FRAS1: variants seen among roughly 807,000 people sequenced by gnomAD.
FRAS1 encodes the protein extracellular matrix organizing protein FRAS1.
FRAS1 carries 290 observed loss-of-function variants against 435.2 expected under a neutral mutation model. The observed-to-expected ratio is 0.67, with a 90% CI of 0.61 to 0.73. The LOEUF (loss-of-function observed/expected upper bound fraction) is 0.73. FRAS1 is among the 30% of genes least tolerant of loss of function. The pLI is 0.00. For synonymous variants in FRAS1, 1,800 were observed against 1,851.0 expected (o/e 0.97, Z 0.71); for missense variants, 4,860 against 5,001.5 (o/e 0.97, Z 0.85).
chr4:78,421,120 T>C (rs1487103792), intron 33 of FRAS1, among the ~76,000 whole-genome samples: 2 of 151,668 alleles, frequency 1.3e-5, no homozygotes, highest in Non-Finnish European at 2.9e-5. Context: ...AGTCTTTTCA[T>C]GTTTTTACAC....
intron 5 of FRAS1, among the ~76,000 whole-genome samples, chr4:78,253,257 C>T (rs748825896): frequency 1.3e-5 from 2 of 152,148 alleles, no homozygotes; most frequent in South Asian, 4.1e-4. Flanking sequence ...GCAGTCAGAC[C>T]TTATGGTTAC....
chr4:78,496,331 C>T (rs1347617710), intron 59 of FRAS1, among the ~76,000 whole-genome samples: 4 of 152,132 alleles, frequency 2.6e-5, no homozygotes, highest in Non-Finnish European at 4.4e-5. Context: ...TTTAGCCTAA[C>T]GCAAAGCCTT....
chr4:78,432,741 A>G, intron 38 of FRAS1, 137 bp downstream of exon 38: 1 of 956,692 alleles, frequency 1.0e-6, no homozygotes, highest in African/African-American at 1.7e-5. Flanking sequence ...CAGCTTCCCT[A>G]CCTTCTACTG....
At chr4:78,249,323 C>CT (rs11308579) in intron 4 of FRAS1, among the ~76,000 whole-genome samples, 14,565 of 47,440 alleles carry the variant, frequency 0.31, 3,259 homozygotes, top group South Asian at 0.57. Flanking sequence ...GCAGTGGAGC[C>CT]TTTTTTTTTT....
intron 58 of FRAS1, among the ~76,000 whole-genome samples, chr4:78,487,772 A>G (rs530201935): frequency 1.4e-4 from 21 of 152,294 alleles, no homozygotes; most frequent in African/African-American, 4.3e-4. Context: ...ATTCAATTAT[A>G]CCAACAATTC....
At chr4:78,145,591 C>CTACA (rs1446432794) in intron 2 of FRAS1, among the ~76,000 whole-genome samples, 1 of 152,112 alleles carries the variant, frequency 6.6e-6, no homozygotes, top group African/African-American at 2.4e-5. Flanking sequence ...CACACTGTGG[C>CTACA]TACATACACA....
At chr4:78,143,744 A>T (rs566450086) in intron 2 of FRAS1, among the ~76,000 whole-genome samples, 54 of 151,608 alleles carry the variant, frequency 3.6e-4, no homozygotes, top group Admixed American at 1.1e-3. Flanking sequence ...AAAAATAATA[A>T]AAAAAAAAAA....
chr4:78,140,290 A>G (rs1284700840), intron 2 of FRAS1, among the ~76,000 whole-genome samples: 1 of 152,122 alleles, frequency 6.6e-6, no homozygotes, highest in African/African-American at 2.4e-5. Context: ...TCACATTCAA[A>G]TTTCTAACTG....
At chr4:78,274,474 A>G (rs1378948380) in intron 9 of FRAS1, among the ~76,000 whole-genome samples, 1 of 151,942 alleles carries the variant, frequency 6.6e-6, no homozygotes. Context: ...TTCCCTCTAC[A>G]CACTGCTTTA....
At chr4:78,512,026 T>G (rs550075488) in intron 64 of FRAS1, among the ~76,000 whole-genome samples, 15 of 152,212 alleles carry the variant, frequency 9.9e-5, no homozygotes, top group Non-Finnish European at 2.2e-4. Flanking sequence ...TGAGTATGTA[T>G]TTTGAGTATC....
chr4:78,265,084 C>T lies in FRAS1; in HGVS notation c.663C>T (p.Cys221=). ...GCCCGCAGTGCTCTGCAAGATCCTG[C>T]TCTGCAGCTGGCCAAGTATACGAGG... is the stretch of plus-strand genomic sequence containing the variant. ...KCCPQCSARS[C]SAAGQVYEHG... The change falls in exon 7 of 74, where the codon TGC becomes TGT. Residue 221 remains cysteine (C), a synonymous_variant. Coordinates refer to ENST00000512123, the MANE Select transcript of FRAS1 (RefSeq NM_025074.7). 1 of 1,613,100 alleles carries T rather than the reference C, an allele frequency of 6.2e-7. No individual in the cohort carries two copies. The highest frequency in any genetic ancestry group is 1.1e-5 in the South Asian group (1 of 90,868).
chr4:78,432,390 A>G lies in FRAS1; in HGVS notation c.5003A>G (p.Asn1668Ser), dbSNP rs1441557039. Residue 1668 changes from asparagine to serine, a missense_variant, in exon 38 of 74, where the codon AAT becomes AGT. Coordinates refer to ENST00000512123, the MANE Select transcript of FRAS1 (RefSeq NM_025074.7). ...TTCACCTATGAGGATGTTGAGAAAA[A>G]TGCTCTACAGTATATACATGATGGT... ...DTFTYEDVEK[N>S]ALQYIHDGSS... 6.2e-6 allele frequency: 10 copies of G among 1,605,578 alleles called. No homozygotes were observed. Among genetic ancestry groups the G allele is most frequent in the Admixed American group, 3.4e-5 (2 of 58,790 alleles).
At chr4:78,241,979 A>G (rs984619082) in intron 3 of FRAS1, among the ~76,000 whole-genome samples, 1 of 152,194 alleles carries the variant, frequency 6.6e-6, no homozygotes, top group Non-Finnish European at 1.5e-5. Context: ...AAGGCAACAT[A>G]GGAATCAGAG....
intron 49 of FRAS1, among the ~76,000 whole-genome samples, chr4:78,465,192 T>C (rs1474170697): frequency 6.6e-6 from 1 of 152,238 alleles, no homozygotes; most frequent in Non-Finnish European, 1.5e-5. Flanking sequence ...CACTCATTGA[T>C]TGATTGATTC....
At chr4:78,320,620 TAGAA>T (rs1394746788) in intron 18 of FRAS1, among the ~76,000 whole-genome samples, 4 of 151,742 alleles carry the variant, frequency 2.6e-5, no homozygotes, top group Non-Finnish European at 5.9e-5. Context: ...AAGGAGAAAA[TAGAA>T]AGAGAAAGCA....
In FRAS1 at chr4:78,281,380, A is replaced by G; in HGVS notation, c.1072-18A>G. On this transcript the variant is annotated intron_variant, in intron 10 of 73. Coordinates refer to ENST00000512123, the MANE Select transcript of FRAS1 (RefSeq NM_025074.7). ...GTGTTTTTAGTGGCATAATAAAGAC[A>G]TTTCTCTTTGTTCCTAGATGTCATC... 6.5e-7 allele frequency: 1 copy of G among 1,548,832 alleles called. No individual in the cohort carries two copies. The highest frequency in any genetic ancestry group is 8.7e-7 in the Non-Finnish European group (1 of 1,143,164).
Position 78,534,457 on chromosome 4 carries a change from T to TG in FRAS1, c.10934_10935insG (p.Ile3645MetfsTer19). 6.2e-7 allele frequency: 1 copy of TG among 1,612,006 alleles called. No homozygotes were observed. The highest frequency in any genetic ancestry group is 1.7e-5 in the Admixed American group (1 of 59,760). ...TTTCTCCTTGCATTTAGATTCCTGATACCCATTGCATTCCAGCAGACCAAC... is the reference window on the plus strand; with the variant it reads ...TTTCTCCTTGCATTTAGATTCCTGATGACCCATTGCATTCCAGCAGACCAAC... On this transcript the variant is annotated frameshift_variant, in exon 71 of 74. Coordinates refer to ENST00000512123, the MANE Select transcript of FRAS1 (RefSeq NM_025074.7). LOFTEE classifies it high-confidence loss of function.
In FRAS1 at chr4:78,463,941, A is replaced by T. The variant is rs1719445700; in HGVS notation, c.6764-80A>T. On this transcript the variant is annotated intron_variant, in intron 47 of 73. Coordinates refer to ENST00000512123, the MANE Select transcript of FRAS1 (RefSeq NM_025074.7). ...TACAAAGGACTCTCTATCTGGTGAG[A>T]GTATGACACTTCCCTAGCCTTAGAT... The T allele has an allele frequency of 4.1e-6, 6 of 1,469,526 alleles. No individual in the cohort carries two copies. In the Admixed American group the frequency reaches 1.0e-4, roughly 25 times the overall value. The allele number at this position is 1,469,526 out of a possible 1,614,324, so 91.0% of individuals were successfully genotyped here. A position where few individuals can be genotyped will look rare whatever the true frequency, so the allele number is the denominator to read the frequency against.
intron 2 of FRAS1, among the ~76,000 whole-genome samples, chr4:78,111,752 TA>T (rs564909222): frequency 0.11 from 12,030 of 104,916 alleles, 596 homozygotes; most frequent in African/African-American, 0.21. Context: ...TAGAGTATAA[TA>T]AAAAAAAAAA....
Sources: gnomAD v4.1 joint callset for allele counts (sites outside exome capture counted in the v4.1 genomes callset) on GRCh38, gnomAD v4.1.1 for gene constraint, MANE v1.5 for transcripts, NCBI Gene and HGNC (gene_info 2026-07-23, HGNC 2026-07-21) for gene names.